Variants in RNF216 observed in about 807,000 individuals in gnomAD.
The protein encoded by RNF216 is E3 ubiquitin-protein ligase RNF216.
Under a neutral mutation model 110.8 loss-of-function variants are expected in RNF216, and 72 were observed. The observed-to-expected ratio is 0.65, with a 90% CI of 0.54 to 0.79. The LOEUF is 0.79. Ranked by LOEUF, RNF216 falls within the 30% of genes least tolerant of loss-of-function variation. The pLI, the probability that RNF216 is intolerant of heterozygous loss-of-function variation, is 0.00. For missense variants in RNF216, 1,342 were observed against 1,141.2 expected, an observed-to-expected ratio of 1.18 and a Z score of -2.54; for synonymous variants, 495 against 407.5, an observed-to-expected ratio of 1.21 and a Z score of -2.59.
intron 1 of RNF216, among the ~76,000 whole-genome samples, chr7:5,775,635 C>A (rs780467152): frequency 6.6e-6 from 1 of 151,622 alleles, no homozygotes; most frequent in Non-Finnish European, 1.5e-5. Flanking sequence ...TTTGAGAGGC[C>A]GAGGTGAGTG....
At position 5,675,664 on chromosome 7, in the gene RNF216, G is replaced by A. The variant is rs143457943; in HGVS notation, c.2062-23154C>T. 9.0e-3 allele frequency among the ~76,000 whole-genome samples: 1,331 copies of A among 148,204 alleles called. 11 individuals are homozygous for A. Among genetic ancestry groups the A allele is most frequent in the Middle Eastern group, 0.021 (6 of 290 alleles). On this transcript the variant is annotated intron_variant, in intron 13 of 16. Coordinates refer to ENST00000389902, the MANE Select transcript of RNF216 (RefSeq NM_207111.4). ...AAAACAAACAAACAAACAAACAAAC[G>A]AACAAAGGAGCAAGGTCATGAAGCC...
At position 5,695,144 on chromosome 7, in the gene RNF216, C is replaced by A. The variant is rs184287062; in HGVS notation, c.2061+16617G>T. 3.0e-4 allele frequency among the ~76,000 whole-genome samples: 46 copies of A among 152,322 alleles called. No homozygotes were observed. In the East Asian group the frequency reaches 6.9e-3, roughly 23 times the overall value. Reference sequence around the variant, plus strand: ...CAAGCTACACGAAGTTAGCACTTAACCTATCCACGGTTCTTCATCTGTACA... The same window carrying A: ...CAAGCTACACGAAGTTAGCACTTAAACTATCCACGGTTCTTCATCTGTACA... On this transcript the variant is annotated intron_variant, in intron 13 of 16. Coordinates refer to ENST00000389902, the MANE Select transcript of RNF216 (RefSeq NM_207111.4).
chr7:5,713,278 G>C (rs1029440992), intron 11 of RNF216: 3 of 158,028 alleles, frequency 1.9e-5, no homozygotes, highest in African/African-American at 7.2e-5. Context: ...TGAAAACAGG[G>C]ACATGGGTGG....
intron 1 of RNF216, among the ~76,000 whole-genome samples, chr7:5,779,103 T>C (rs1796934876): frequency 6.6e-6 from 1 of 152,232 alleles, no homozygotes; most frequent in African/African-American, 2.4e-5. Flanking sequence ...TGAGAATGAA[T>C]TATGTCTCTA....
intron 9 of RNF216, 28 bp from the exon 10 acceptor site, chr7:5,716,794 GAC>G: frequency 6.3e-7 from 1 of 1,584,566 alleles, no homozygotes; most frequent in South Asian, 1.1e-5. Flanking sequence ...CACACATTCA[GAC>G]ACAAATTTAG....
At chr7:5,750,412 C>A (rs1323781739) in intron 3 of RNF216, among the ~76,000 whole-genome samples, 1 of 152,198 alleles carries the variant, frequency 6.6e-6, no homozygotes, top group Non-Finnish European at 1.5e-5. Context: ...GTTAGTCAGG[C>A]AAACTGGTCT....
chr7:5,766,392 C>G (rs759983145), intron 1 of RNF216, among the ~76,000 whole-genome samples: 1 of 151,834 alleles, frequency 6.6e-6, no homozygotes, highest in African/African-American at 2.4e-5. Flanking sequence ...TATTGAAGCT[C>G]TGACCTCCAA....
At chr7:5,645,131 G>A (rs1004226211) in intron 14 of RNF216, among the ~76,000 whole-genome samples, 1 of 152,090 alleles carries the variant, frequency 6.6e-6, no homozygotes, top group South Asian at 2.1e-4. Flanking sequence ...CCTATTTTCT[G>A]ATTAGGCTGT....
chr7:5,775,350 T>TG (rs1562484479), intron 1 of RNF216, among the ~76,000 whole-genome samples: 2 of 152,226 alleles, frequency 1.3e-5, no homozygotes, highest in African/African-American at 4.8e-5. Flanking sequence ...TGCTTGAGGC[T>TG]GTCTTCTACA....
At position 5,690,000 on chromosome 7, in the gene RNF216, G is replaced by C. The variant is rs115258236; in HGVS notation, c.2061+21761C>G. Among the ~76,000 whole-genome samples, 453 of 151,730 alleles carry C rather than the reference G, an allele frequency of 3.0e-3. 1 individual carries two copies. Among genetic ancestry groups the C allele is most frequent in the African/African-American group, 0.01 (430 of 41,362 alleles). On this transcript the variant is annotated intron_variant, in intron 13 of 16. Transcript: ENST00000389902. ...GCAGGTAACCCCCCTTATTTGCCGA[G>C]TTCACCTGTATTATATTTTACTTAC... is the stretch of plus-strand genomic sequence containing the variant.
In RNF216 at chr7:5,620,108, CA is replaced by C. The variant is rs759140527; in HGVS notation, c.*2751del. ...AGTTACATATGATACAGGCTTTTTACACACAGTAGTTGAAACGGAATTATTT... is the reference window on the plus strand; with the variant it reads ...AGTTACATATGATACAGGCTTTTTACCACAGTAGTTGAAACGGAATTATTT... On this transcript the variant is annotated 3_prime_UTR_variant, in exon 17 of 17. Transcript: ENST00000389902. 1.3e-5 allele frequency: 2 copies of C among 152,290 alleles called. No individual in the cohort carries two copies. Among genetic ancestry groups the C allele is most frequent in the African/African-American group, 2.4e-5 (1 of 41,478 alleles). The allele number at this position is 152,290 out of a possible 1,614,324, so 9.4% of individuals were successfully genotyped here.
At chr7:5,736,804 C>T (rs533271511) in intron 5 of RNF216, among the ~76,000 whole-genome samples, 53 of 151,804 alleles carry the variant, frequency 3.5e-4, no homozygotes, top group African/African-American at 8.0e-4. Context: ...CGTCTCTGCC[C>T]GGCCGCCCCG....
chr7:5,754,118 T>G (rs967973673), intron 2 of RNF216, among the ~76,000 whole-genome samples: 10 of 125,898 alleles, frequency 7.9e-5, no homozygotes, highest in African/African-American at 1.8e-4. Flanking sequence ...TTCTTTTGTG[T>G]GGTGTGTGTG....
chr7:5,755,702 A>C (rs1475517920), intron 2 of RNF216, among the ~76,000 whole-genome samples: 5 of 152,172 alleles, frequency 3.3e-5, no homozygotes, highest in Admixed American at 3.3e-4. Flanking sequence ...TCTTCTGTTG[A>C]TAGACATTTG....
Position 5,741,718 on chromosome 7 carries a change from C to T in RNF216, c.299G>A (p.Arg100Lys), listed in dbSNP as rs201033964. ...RLGEERPKKS[R>K]AAFESDKSSY... Reference sequence around the variant, plus strand: ...GCTCTTATCTGATTCAAATGCTGCTCTAGACTTTTTAGGCCTTTCTTCTCC... The same window carrying T: ...GCTCTTATCTGATTCAAATGCTGCTTTAGACTTTTTAGGCCTTTCTTCTCC... The change falls in exon 4 of 17, where the codon AGA (arginine) becomes AAA (lysine). Residue 100 changes from arginine to lysine, a missense_variant. By Grantham distance (26) the Arg-to-Lys change is conservative. Transcript: ENST00000389902. The T allele has an allele frequency of 6.2e-7, 1 of 1,614,190 alleles. No individual in the cohort carries two copies. Among genetic ancestry groups the T allele is most frequent in the East Asian group, 2.2e-5 (1 of 44,884 alleles).
chr7:5,735,444 A>T (rs527808049), intron 5 of RNF216, among the ~76,000 whole-genome samples: 6 of 152,330 alleles, frequency 3.9e-5, no homozygotes, highest in South Asian at 2.1e-4. Flanking sequence ...TAAAGAAATT[A>T]AAAAAAGATT....
intron 13 of RNF216, among the ~76,000 whole-genome samples, chr7:5,708,927 G>A (rs1792477587): frequency 6.6e-6 from 1 of 152,176 alleles, no homozygotes; most frequent in Non-Finnish European, 1.5e-5. Flanking sequence ...TCTGCCTACT[G>A]TACCGTGGGT....
intron 2 of RNF216, among the ~76,000 whole-genome samples, chr7:5,755,332 G>A (rs901292131): frequency 1.3e-5 from 2 of 152,016 alleles, no homozygotes; most frequent in East Asian, 1.9e-4. Flanking sequence ...CACATGTAAG[G>A]TTCCAATTAG....
chr7:5,667,695 AG>A (rs1256076237), intron 13 of RNF216, among the ~76,000 whole-genome samples: 3 of 152,240 alleles, frequency 2.0e-5, no homozygotes, highest in Admixed American at 2.0e-4. Flanking sequence ...TTGGCCTGGC[AG>A]GAACAGCCAG....
Sources: allele counts gnomAD v4.1 joint callset (sites outside exome capture counted in the v4.1 genomes callset), GRCh38; gene constraint gnomAD v4.1.1; transcripts MANE v1.5; gene names NCBI Gene and HGNC (gene_info 2026-07-23, HGNC 2026-07-21).